Variants in WASL observed in about 807,000 individuals in gnomAD.
WASL encodes WASP like actin nucleation promoting factor, also known as actin nucleation-promoting factor WASL.
Under a neutral mutation model 55.5 loss-of-function variants are expected in WASL, and 20 were observed. The observed-to-expected ratio is 0.36, with a 90% CI of 0.25 to 0.52. The LOEUF (loss-of-function observed/expected upper bound fraction) is 0.52, where lower values mean the gene tolerates loss of function less well. Ranked by LOEUF, WASL falls within the 20% of genes least tolerant of loss-of-function variation. The probability of loss-of-function intolerance (pLI) is 0.92; values close to 1 mark genes in which losing one functional copy is unlikely to be tolerated. For missense variants in WASL, 504 were observed against 622.5 expected, an observed-to-expected ratio of 0.81 and a Z score of 2.03; for synonymous variants, 249 against 217.6, an observed-to-expected ratio of 1.14 and a Z score of -1.27.
At chr7:123,702,550 C>A (rs556455308) in intron 5 of WASL, among the ~76,000 whole-genome samples, 10 of 152,096 alleles carry the variant, frequency 6.6e-5, no homozygotes, top group Non-Finnish European at 1.5e-4. Context: ...TGGATTCGAC[C>A]AACTGTGGAT....
chr7:123,687,481 G>A (rs1033877313), intron 10 of WASL, among the ~76,000 whole-genome samples: 7 of 151,872 alleles, frequency 4.6e-5, no homozygotes, highest in Non-Finnish European at 8.8e-5. Flanking sequence ...CTTTCCATCG[G>A]ATACACTTTC....
chr7:123,726,345 A>AT lies in WASL; in HGVS notation c.118-17123dup, dbSNP rs763205897. ...GAAAAAATTCATATGATCATCTCAT[A>AT]TGACCTTTTTTGCACTTTATATAAC... On this transcript the variant is annotated intron_variant, in intron 1 of 10. Transcript: ENST00000223023. Among the ~76,000 whole-genome samples the AT allele has an allele frequency of 2.0e-3, 306 of 152,326 alleles. 4 individuals carry two copies. The Middle Eastern group carries it at 0.027, about 14-fold the overall frequency.
intron 1 of WASL, among the ~76,000 whole-genome samples, chr7:123,716,877 C>CA (rs1803852613): frequency 1.3e-5 from 2 of 152,096 alleles, no homozygotes; most frequent in Admixed American, 1.3e-4. Context: ...ACAATCCCCT[C>CA]ATTTTATAGG....
intron 1 of WASL, among the ~76,000 whole-genome samples, chr7:123,711,257 T>C (rs1019898110): frequency 5.9e-5 from 9 of 152,038 alleles, no homozygotes; most frequent in Non-Finnish European, 7.4e-5. Context: ...TGTGGCTATA[T>C]ATGTGAACTT....
chr7:123,743,254 T>C (rs1439064211), intron 1 of WASL, among the ~76,000 whole-genome samples: 8 of 151,650 alleles, frequency 5.3e-5, no homozygotes, highest in Non-Finnish European at 1.2e-4. Context: ...GGAGAATAAC[T>C]TGAACCTGGG....
chr7:123,733,594 T>A (rs971322451), intron 1 of WASL, among the ~76,000 whole-genome samples: 4 of 152,100 alleles, frequency 2.6e-5, no homozygotes, highest in Non-Finnish European at 5.9e-5. Flanking sequence ...CCAGTCAAAA[T>A]CCTAGTTATT....
chr7:123,748,573 C>A (rs1448148316), intron 1 of WASL, 45 bp downstream of exon 1: 2 of 1,598,980 alleles, frequency 1.3e-6, no homozygotes, highest in Non-Finnish European at 1.7e-6. Context: ...AGCCCGGGCC[C>A]GTGAGGTAAT....
chr7:123,699,549 A>C (rs1803545472), intron 5 of WASL, among the ~76,000 whole-genome samples: 1 of 152,218 alleles, frequency 6.6e-6, no homozygotes, highest in African/African-American at 2.4e-5. Flanking sequence ...CATCTATTAT[A>C]CTATAGATGA....
rs1308805897 is a variant in WASL at position 123,683,104 on chromosome 7, G to A, written c.*1415C>T. On this transcript the variant is annotated 3_prime_UTR_variant, in exon 11 of 11. Coordinates refer to ENST00000223023, the MANE Select transcript of WASL (RefSeq NM_003941.4). ...TTTGGTTGGTACAATTCTAGATAGC[G>A]TAATTTTTAGTTGGATATTGTGACT... 6.6e-6 allele frequency: 1 copy of A among 151,938 alleles called. No homozygotes were observed. The highest frequency in any genetic ancestry group is 2.4e-5 in the African/African-American group (1 of 41,334). The allele number at this position is 151,938 out of a possible 1,614,324, so 9.4% of individuals were successfully genotyped here.
chr7:123,722,925 G>T (rs1803976306), intron 1 of WASL, among the ~76,000 whole-genome samples: 2 of 152,140 alleles, frequency 1.3e-5, no homozygotes, highest in Admixed American at 6.5e-5. Flanking sequence ...ACACAAGTGA[G>T]GGCAAAGAAT....
At chr7:123,696,017 T>C (rs1803486770) in intron 6 of WASL, 152 bp from the exon 7 acceptor site, 2 of 668,122 alleles carry the variant, frequency 3.0e-6, no homozygotes, top group Non-Finnish European at 5.0e-6. Flanking sequence ...ATAAAAACTA[T>C]GTACAAGGAG....
At chr7:123,748,501 T>C (rs1463802116) in intron 1 of WASL, 117 bp downstream of exon 1, 3 of 1,060,494 alleles carry the variant, frequency 2.8e-6, no homozygotes, top group Admixed American at 2.5e-5. Context: ...GGGCCGGGGC[T>C]GGCGGGAGGC....
At chr7:123,743,984 T>C (rs1296709716) in intron 1 of WASL, among the ~76,000 whole-genome samples, 1 of 152,260 alleles carries the variant, frequency 6.6e-6, no homozygotes, top group Non-Finnish European at 1.5e-5. Context: ...TTCTCATCTT[T>C]GTATATTCCA....
At chr7:123,740,472 CTATA>C (rs1167238925) in intron 1 of WASL, among the ~76,000 whole-genome samples, 2 of 152,172 alleles carry the variant, frequency 1.3e-5, no homozygotes, top group African/African-American at 4.8e-5. Context: ...TTGTATTACA[CTATA>C]TTTATGAATA....
intron 1 of WASL, among the ~76,000 whole-genome samples, chr7:123,726,058 T>C (rs764803451): frequency 3.9e-5 from 6 of 152,200 alleles, no homozygotes; most frequent in Non-Finnish European, 7.3e-5. Context: ...TCTGTTAATG[T>C]TACAGACCAG....
chr7:123,725,055 T>C (rs1296606751), intron 1 of WASL, among the ~76,000 whole-genome samples: 3 of 152,186 alleles, frequency 2.0e-5, no homozygotes, highest in Non-Finnish European at 1.5e-5. Flanking sequence ...AAAAACAGCA[T>C]ACTAAAGTCA....
intron 1 of WASL, among the ~76,000 whole-genome samples, chr7:123,729,810 T>C (rs961960157): frequency 9.8e-5 from 15 of 152,304 alleles, no homozygotes; most frequent in Admixed American, 9.2e-4. Context: ...ATCCGGTGTA[T>C]GTTTAATCAA....
chr7:123,714,963 G>A (rs952350820), intron 1 of WASL, among the ~76,000 whole-genome samples: 3 of 152,164 alleles, frequency 2.0e-5, no homozygotes, highest in East Asian at 1.9e-4. Flanking sequence ...CCATAGGAAA[G>A]TTTGGTGAAC....
Position 123,704,664 on chromosome 7 carries a change from G to A in WASL, c.437-7C>T. Reference sequence around the variant, plus strand: ...GGGGGATCTCGTCTTTTCTCTGTTAGAAAATAAATTAGAAGAATATTATTA... The same window carrying A: ...GGGGGATCTCGTCTTTTCTCTGTTAAAAAATAAATTAGAAGAATATTATTA... On this transcript the variant is annotated splice_polypyrimidine_tract_variant and splice_region_variant and intron_variant, in intron 4 of 10. Coordinates refer to ENST00000223023, the MANE Select transcript of WASL (RefSeq NM_003941.4). 1 of 1,459,322 alleles carries A rather than the reference G, an allele frequency of 6.9e-7. No individual in the cohort carries two copies. Among genetic ancestry groups the A allele is most frequent in the Admixed American group, 2.1e-5 (1 of 48,642 alleles). 90.4% of individuals were successfully genotyped at this position (1,459,322 alleles called of 1,614,324 possible).
Sources: allele counts gnomAD v4.1 joint callset (sites outside exome capture counted in the v4.1 genomes callset), GRCh38; gene constraint gnomAD v4.1.1; transcripts MANE v1.5; gene names NCBI Gene and HGNC (gene_info 2026-07-23, HGNC 2026-07-21).